Variants in KCNIP4 observed in about 807,000 individuals in gnomAD.
The protein encoded by KCNIP4 is potassium voltage-gated channel interacting protein 4, also known as Kv channel-interacting protein 4.
KCNIP4 carries 12 observed loss-of-function variants against 34.0 expected under a neutral mutation model. The observed-to-expected ratio is 0.35, with a 90% CI of 0.23 to 0.57. The LOEUF is 0.57. KCNIP4 is among the 20% of genes least tolerant of loss of function. KCNIP4 has a pLI of 0.83. For missense variants in KCNIP4, 238 were observed against 311.7 expected, an observed-to-expected ratio of 0.76 and a Z score of 1.78; for synonymous variants, 124 against 102.2, an observed-to-expected ratio of 1.21 and a Z score of -1.29.
At chr4:21,117,744 C>T (rs1321233015) in intron 1 of KCNIP4, among the ~76,000 whole-genome samples, 2 of 152,022 alleles carry the variant, frequency 1.3e-5, no homozygotes, top group African/African-American at 4.8e-5. Context: ...TTATGTCCTC[C>T]AATTCCCTCA....
At chr4:21,731,800 G>C (rs1222466630) in intron 1 of KCNIP4, among the ~76,000 whole-genome samples, 3 of 152,194 alleles carry the variant, frequency 2.0e-5, no homozygotes, top group East Asian at 3.9e-4. Context: ...ATGCCATCAA[G>C]AGATGAGATT....
At chr4:21,682,449 C>T (rs1405103852) in intron 1 of KCNIP4, among the ~76,000 whole-genome samples, 3 of 152,268 alleles carry the variant, frequency 2.0e-5, no homozygotes, top group African/African-American at 7.2e-5. Flanking sequence ...TTACCCGGAC[C>T]ACTAAAACAT....
chr4:20,749,795 T>A (rs1177866124), intron 4 of KCNIP4, 63 bp from the exon 5 acceptor site: 3 of 1,098,714 alleles, frequency 2.7e-6, no homozygotes, highest in Non-Finnish European at 4.1e-6. Context: ...AAGACTTGGA[T>A]AGCAGTCCAA....
intron 1 of KCNIP4, among the ~76,000 whole-genome samples, chr4:21,177,986 A>C (rs895106775): frequency 6.6e-6 from 1 of 152,024 alleles, no homozygotes; most frequent in African/African-American, 2.4e-5. Flanking sequence ...TTCAACTGCT[A>C]ATCTTGGCTT....
chr4:21,193,375 T>C (rs1232993827), intron 1 of KCNIP4, among the ~76,000 whole-genome samples: 2 of 152,116 alleles, frequency 1.3e-5, no homozygotes, highest in African/African-American at 2.4e-5. Context: ...TAAAATATAC[T>C]AATGGATTTA....
At chr4:21,251,137 C>T (rs1023046385) in intron 1 of KCNIP4, among the ~76,000 whole-genome samples, 2 of 151,472 alleles carry the variant, frequency 1.3e-5, no homozygotes. Context: ...TAATGGAGTG[C>T]CATGTAACTA....
At chr4:21,025,491 A>C (rs1740446789) in intron 1 of KCNIP4, among the ~76,000 whole-genome samples, 1 of 138,552 alleles carries the variant, frequency 7.2e-6, no homozygotes, top group Non-Finnish European at 1.5e-5. Context: ...AGAGAGAGAG[A>C]GAGAGAGAGA....
At chr4:21,027,172 A>G (rs1025719847) in intron 1 of KCNIP4, among the ~76,000 whole-genome samples, 1 of 152,204 alleles carries the variant, frequency 6.6e-6, no homozygotes, top group African/African-American at 2.4e-5. Flanking sequence ...ATGGAGGTAG[A>G]CTAAAAGAAA....
intron 1 of KCNIP4, among the ~76,000 whole-genome samples, chr4:21,485,532 T>G (rs1731825455): frequency 6.6e-6 from 1 of 152,210 alleles, no homozygotes; most frequent in Admixed American, 6.5e-5. Context: ...CTCACAATTT[T>G]ACGCTCTGGC....
chr4:21,200,342 A>G lies in KCNIP4; in HGVS notation c.62-317633T>C, dbSNP rs1436724410. 1.4e-4 allele frequency among the ~76,000 whole-genome samples: 20 copies of G among 142,530 alleles called. 2 individuals are homozygous for G. The highest frequency in any genetic ancestry group is 2.4e-4 in the Non-Finnish European group (16 of 66,724). The allele number at this position is 142,530 out of a possible 152,430, so 93.5% of individuals were successfully genotyped here. A position where few individuals can be genotyped will look rare whatever the true frequency, so the allele number is the denominator to read the frequency against. On this transcript the variant is annotated intron_variant, in intron 1 of 8. Transcript: ENST00000382152. ...TATATGTGTGTATATATATATACAT[A>G]CATATATGTGTGTATATATATATAC... is the stretch of plus-strand genomic sequence containing the variant.
chr4:21,444,105 A>G lies in KCNIP4; in HGVS notation c.61+504466T>C, dbSNP rs549062158. ...AGTTGAATCTCTGAATAGACCAATA[A>G]CAGGCTCTGAAATTGAGGCAATAAT... On this transcript the variant is annotated intron_variant, in intron 1 of 8. Transcript: ENST00000382152. Among the ~76,000 whole-genome samples the G allele has an allele frequency of 3.3e-5, 5 of 152,222 alleles. No homozygotes were observed. The South Asian group carries it at 8.3e-4, about 25-fold the overall frequency.
Position 20,729,427 on chromosome 4 carries a change from T to C in KCNIP4, c.*655A>G, listed in dbSNP as rs1053476568. 6.6e-6 allele frequency: 1 copy of C among 152,146 alleles called. No homozygotes were observed. Among genetic ancestry groups the C allele is most frequent in the Non-Finnish European group, 1.5e-5 (1 of 67,976 alleles). The allele number at this position is 152,146 out of a possible 1,614,324, so 9.4% of individuals were successfully genotyped here. ...CATATTATGGAAAATTAAATGCTTA[T>C]TAAAATAAGTTTTATTAGGCATATG... On this transcript the variant is annotated 3_prime_UTR_variant, in exon 9 of 9. Coordinates refer to ENST00000382152, the MANE Select transcript of KCNIP4 (RefSeq NM_025221.6).
chr4:20,955,477 C>G (rs568126303), intron 1 of KCNIP4, among the ~76,000 whole-genome samples: 5 of 152,152 alleles, frequency 3.3e-5, no homozygotes, highest in African/African-American at 1.2e-4. Flanking sequence ...TCCCTCATGC[C>G]CTCTGAGTCT....
At chr4:21,769,276 A>G (rs1409618298) in intron 1 of KCNIP4, among the ~76,000 whole-genome samples, 1 of 151,980 alleles carries the variant, frequency 6.6e-6, no homozygotes, top group Non-Finnish European at 1.5e-5. Context: ...ATATCTATTA[A>G]CCGTTTCTAT....
chr4:20,929,785 T>C (rs1317858474), intron 1 of KCNIP4, among the ~76,000 whole-genome samples: 3 of 151,896 alleles, frequency 2.0e-5, no homozygotes, highest in Non-Finnish European at 4.4e-5. Flanking sequence ...TATGAAAGCA[T>C]AAAAATAGTT....
chr4:21,859,564 C>T (rs1322033720), intron 1 of KCNIP4, among the ~76,000 whole-genome samples: 1 of 151,218 alleles, frequency 6.6e-6, no homozygotes, highest in Non-Finnish European at 1.5e-5. Flanking sequence ...GGAGGCGGAG[C>T]TTGCAGTGAG....
chr4:21,375,077 C>A (rs1720840252), intron 1 of KCNIP4, among the ~76,000 whole-genome samples: 1 of 147,614 alleles, frequency 6.8e-6, no homozygotes, highest in Non-Finnish European at 1.5e-5. Context: ...AGGGTGTGTG[C>A]AAACTTCATG....
chr4:20,851,862 G>A (rs1721068267), intron 2 of KCNIP4, among the ~76,000 whole-genome samples: 1 of 152,120 alleles, frequency 6.6e-6, no homozygotes, highest in Non-Finnish European at 1.5e-5. Flanking sequence ...CTCTGATAAT[G>A]TTCACTAAGG....
At chr4:21,035,179 G>A (rs183944487) in intron 1 of KCNIP4, among the ~76,000 whole-genome samples, 1 of 152,110 alleles carries the variant, frequency 6.6e-6, no homozygotes, top group African/African-American at 2.4e-5. Context: ...TTGCTAGTTG[G>A]TTCTTATTTT....
Sources: allele counts gnomAD v4.1 joint callset (sites outside exome capture counted in the v4.1 genomes callset), GRCh38; gene constraint gnomAD v4.1.1; transcripts MANE v1.5; gene names NCBI Gene and HGNC (gene_info 2026-07-23, HGNC 2026-07-21).